Variants in PIEZO1 observed in about 807,000 individuals in gnomAD.
The protein encoded by PIEZO1 is piezo type mechanosensitive ion channel component 1 (Er blood group), also known as piezo-type mechanosensitive ion channel component 1.
In PIEZO1, 296 loss-of-function variants were observed where a neutral mutation model predicts 297.2. The observed-to-expected ratio is 1.00, with a 90% CI of 0.91 to 1.10. The LOEUF (loss-of-function observed/expected upper bound fraction) is 1.10, where lower values mean the gene tolerates loss of function less well. Ranked by LOEUF, PIEZO1 falls within the 50% of genes least tolerant of loss-of-function variation. The probability of loss-of-function intolerance (pLI) is 0.00; values close to 1 mark genes in which losing one functional copy is unlikely to be tolerated. For synonymous variants in PIEZO1, 2,427 were observed against 1,507.5 expected (o/e 1.61, Z -14.13); for missense variants, 5,018 against 3,455.5 (o/e 1.45, Z -11.34).
At position 88,716,485 on chromosome 16, in the gene PIEZO1, T is replaced by C; in HGVS notation, c.6927-2A>G. 1 of 1,545,862 alleles carries C rather than the reference T, an allele frequency of 6.5e-7. No homozygotes were observed. Among genetic ancestry groups the C allele is most frequent in the Non-Finnish European group, 8.7e-7 (1 of 1,144,378 alleles). On this transcript the variant is annotated splice_acceptor_variant, in intron 47 of 50. Transcript: ENST00000301015. LOFTEE classifies it high-confidence loss of function. ...ACAGTGCCTCCCTTCGCCAGGTCCC[T>C]GGGGGTGGGAACACAGCGTGACCCA...
rs62639699 is a variant in PIEZO1, at chr16:88,734,002, G to C, written c.2233C>G (p.Gln745Glu). 1.3e-6 allele frequency: 2 copies of C among 1,547,700 alleles called. No homozygotes were observed. Among genetic ancestry groups the C allele is most frequent in the Admixed American group, 2.0e-5 (1 of 50,916 alleles). Residue 745 changes from glutamine (Q) to glutamate (E), a missense_variant, in exon 17 of 51, where the codon CAG (glutamine) becomes GAG (glutamate). Physicochemically the swap from Gln to Glu is conservative, Grantham distance 29. Transcript: ENST00000301015. ...PLLREEQQEHQQQQQEEEEEE... is the reference protein window; with the variant it reads ...PLLREEQQEHEQQQQEEEEEE... ...TCCTCCTCCTCCTGCTGCTGCTGCT[G>C]ATGCTCCTGCTGCTCCTCCCGCAGC...
chr16:88,749,571 C>G, intron 1 of PIEZO1, 92 bp from the exon 2 acceptor site: 2 of 963,552 alleles, frequency 2.1e-6, no homozygotes, highest in South Asian at 1.6e-5. Flanking sequence ...CTCGTCACAC[C>G]GCCGAGGCCG....
At chr16:88,733,215 G>A (rs1415979515) in intron 19 of PIEZO1, 63 bp downstream of exon 19, 8 of 1,434,992 alleles carry the variant, frequency 5.6e-6, no homozygotes, top group African/African-American at 1.4e-5. Flanking sequence ...CCCCAGGAGG[G>A]TCGGGCTGCG....
intron 1 of PIEZO1, among the ~76,000 whole-genome samples, chr16:88,784,695 C>G (rs900072840): frequency 1.3e-5 from 2 of 151,700 alleles, no homozygotes; most frequent in African/African-American, 2.4e-5. Flanking sequence ...CGCCGCCCTT[C>G]CAGCCCGGCC....
intron 1 of PIEZO1, among the ~76,000 whole-genome samples, chr16:88,783,576 T>A (rs1355701463): frequency 6.6e-6 from 1 of 152,188 alleles, no homozygotes. Flanking sequence ...TCTGCCTCTG[T>A]GCCAGGCTGT....
chr16:88,737,671 T>C (rs1196631437), intron 9 of PIEZO1, 25 bp from the exon 10 acceptor site: 2 of 1,533,382 alleles, frequency 1.3e-6, no homozygotes, highest in African/African-American at 1.4e-5. Context: ...CGCTGAGCCA[T>C]GCACGGGCTG....
intron 5 of PIEZO1, chr16:88,739,028 C>A: frequency 2.0e-6 from 1 of 506,120 alleles, no homozygotes; most frequent in Non-Finnish European, 3.6e-6. Context: ...GATGACCTTG[C>A]CAGGTACAGA....
rs773860217 is a variant in PIEZO1 at position 88,716,045 on chromosome 16, C to G, written c.7204G>C (p.Glu2402Gln). The G allele has an allele frequency of 5.1e-5, 79 of 1,550,220 alleles. No homozygotes were observed. In the African/African-American group the frequency reaches 5.3e-4, roughly 10 times the overall value. The change falls in exon 50 of 51, where the codon GAA (glutamate) becomes CAA (glutamine). Residue 2402 changes from glutamate (E) to glutamine (Q), a missense_variant. Glu to Gln is a conservative substitution (Grantham distance 29, BLOSUM62 2). Coordinates refer to ENST00000301015, the MANE Select transcript of PIEZO1 (RefSeq NM_001142864.4). ...EQGAGATGFL[E>Q]WWVIELQECR... ...TCCTGCAGCTCGATGACCCACCATT[C>G]GAGGAAGCCGGTGGCCCCCGCACCC...
rs1275626042 is a variant in PIEZO1, at chr16:88,722,566, G to C, written c.4775+17C>G. 2 of 1,493,138 alleles carry C rather than the reference G, an allele frequency of 1.3e-6. No individual in the cohort carries two copies. Among genetic ancestry groups the C allele is most frequent in the Non-Finnish European group, 1.8e-6 (2 of 1,116,594 alleles). The allele number at this position is 1,493,138 out of a possible 1,614,324, so 92.5% of individuals were successfully genotyped here. The stretch of plus-strand genomic sequence containing the variant: ...ACCAGGGGCAGCAGCTGGGGCTCGG[G>C]TCACCCCCGCACCTACCTGGACACG... On this transcript the variant is annotated intron_variant, in intron 35 of 50. Transcript: ENST00000301015.
rs1021499784 is a variant in PIEZO1, at chr16:88,721,649, C to T, written c.5292G>A (p.Glu1764=). 1.3e-6 allele frequency: 2 copies of T among 1,550,088 alleles called. No homozygotes were observed. The highest frequency in any genetic ancestry group is 1.4e-5 in the African/African-American group (1 of 73,052). The part of the protein sequence containing the change: ...WNSHVVLRRY[E]NKPYFPPRIL... Reference sequence around the variant, plus strand: ...TGCGGGGCGGGAAGTAGGGCTTGTTCTCGTAGCGCCGCAGCACCACGTGGC... The same window carrying T: ...TGCGGGGCGGGAAGTAGGGCTTGTTTTCGTAGCGCCGCAGCACCACGTGGC... Residue 1764 remains glutamate, a synonymous_variant, in exon 38 of 51, where the codon GAG becomes GAA. Coordinates refer to ENST00000301015, the MANE Select transcript of PIEZO1 (RefSeq NM_001142864.4).
Position 88,749,375 on chromosome 16 carries a change from T to A in PIEZO1, c.160+9A>T. 1 of 1,484,370 alleles carries A rather than the reference T, an allele frequency of 6.7e-7. No individual in the cohort carries two copies. Among genetic ancestry groups the A allele is most frequent in the South Asian group, 1.3e-5 (1 of 75,536 alleles). 91.9% of individuals were successfully genotyped at this position (1,484,370 alleles called of 1,614,324 possible). On this transcript the variant is annotated intron_variant, in intron 2 of 50. Coordinates refer to ENST00000301015, the MANE Select transcript of PIEZO1 (RefSeq NM_001142864.4). ...CCCTGAGAGCGTGGGCAGGGTCCCC[T>A]GGCCTTACCTTGGAGGCCGCATCGG...
intron 31 of PIEZO1, 88 bp from the exon 32 acceptor site, chr16:88,723,416 T>C: frequency 7.0e-7 from 1 of 1,428,334 alleles, no homozygotes; most frequent in Non-Finnish European, 9.5e-7. Flanking sequence ...GGGCGCCAGA[T>C]CCAGATCCCT....
Position 88,723,903 on chromosome 16 carries a change from C to G in PIEZO1, c.4303G>C (p.Asp1435His). The G allele has an allele frequency of 6.5e-7, 1 of 1,549,326 alleles. No individual in the cohort carries two copies. Among genetic ancestry groups the G allele is most frequent in the Non-Finnish European group, 8.7e-7 (1 of 1,145,892 alleles). The change falls in exon 31 of 51, where the codon GAC becomes CAC. Residue 1435 changes from aspartate (D) to histidine (H), a missense_variant. Physicochemically the swap from Asp to His is moderately conservative, Grantham distance 81 (BLOSUM62 -1). Transcript: ENST00000301015. ...SEEEEEAVPE[D>H]PRPSAQSAFQ... ...GCACTCTGTGCCGACGGCCTCGGGT[C>G]TTCAGGAACAGCCTCCTCCTCTTCC...
intron 3 of PIEZO1, 81 bp downstream of exon 3, chr16:88,742,219 C>A (rs186953620): frequency 1.8e-5 from 27 of 1,499,880 alleles, no homozygotes; most frequent in Non-Finnish European, 2.3e-5. Flanking sequence ...GTCAACCCCC[C>A]CAGGAGACTC....
intron 1 of PIEZO1, among the ~76,000 whole-genome samples, chr16:88,755,417 A>C (rs1296893558): frequency 6.6e-6 from 1 of 152,148 alleles, no homozygotes. Flanking sequence ...GTTTCTTCCT[A>C]AACAAACCCG....
rs920470514 is a variant in PIEZO1, at chr16:88,735,235, G to C, written c.1569C>G (p.Thr523=). 6.5e-6 allele frequency: 10 copies of C among 1,549,772 alleles called. No individual in the cohort carries two copies. The East Asian group carries it at 2.4e-4, about 38-fold the overall frequency. The change falls in exon 13 of 51, where the codon ACC becomes ACG. Residue 523 remains threonine, a synonymous_variant. Transcript: ENST00000301015. ...GGCGCAGCAGGAGCCAGAAGGTCAG[G>C]GTGTAGAGCAACTGTGACAAGCGCA... ...CLDLGAMLLY[T]LTFWLLLRQF...
In PIEZO1 at chr16:88,732,704, G is replaced by A. The variant is rs1351564542; in HGVS notation, c.2693C>T (p.Pro898Leu). ...EPFPNSTNLL[P>L]TEISQSLLYR... ...CAGCAGGGACTGGCTGATCTCCGTG[G>A]GCAGCAAGTTGGTGCTGTTGGGGAA... The change falls in exon 20 of 51, where the codon CCC becomes CTC. Residue 898 changes from proline to leucine, a missense_variant. Coordinates refer to ENST00000301015, the MANE Select transcript of PIEZO1 (RefSeq NM_001142864.4). The A allele has an allele frequency of 1.9e-6, 3 of 1,548,906 alleles. No homozygotes were observed. Among genetic ancestry groups the A allele is most frequent in the Non-Finnish European group, 2.6e-6 (3 of 1,146,082 alleles).
chr16:88,721,670 G>C lies in PIEZO1; in HGVS notation c.5271C>G (p.His1757Gln), dbSNP rs974458131. 12 of 1,549,862 alleles carry C rather than the reference G, an allele frequency of 7.7e-6. No individual in the cohort carries two copies. The highest frequency in any genetic ancestry group is 1.0e-5 in the Non-Finnish European group (12 of 1,146,838). Residue 1757 changes from histidine to glutamine, a missense_variant, in exon 38 of 51, where the codon CAC becomes CAG. Physicochemically the swap from His to Gln is conservative, Grantham distance 24 (BLOSUM62 0). Transcript: ENST00000301015. ...FQFGFFPWNS[H>Q]VVLRRYENKP... The stretch of plus-strand genomic sequence containing the variant: ...TGTTCTCGTAGCGCCGCAGCACCAC[G>C]TGGCTGTTCCAGGGGAAGAACCCAA...
intron 1 of PIEZO1, among the ~76,000 whole-genome samples, chr16:88,766,668 A>G (rs905518194): frequency 1.3e-5 from 2 of 152,200 alleles, no homozygotes; most frequent in Non-Finnish European, 2.9e-5. Context: ...GCCCCCACAC[A>G]TACTCTGGAA....
Sources: gnomAD v4.1 joint callset for allele counts (sites outside exome capture counted in the v4.1 genomes callset) on GRCh38, gnomAD v4.1.1 for gene constraint, MANE v1.5 for transcripts, NCBI Gene and HGNC (gene_info 2026-07-23, HGNC 2026-07-21) for gene names.